Variants in DLGAP2 observed in about 807,000 individuals in gnomAD.
DLGAP2 encodes the protein disks large-associated protein 2.
Under a neutral mutation model 100.3 loss-of-function variants are expected in DLGAP2, and 26 were observed. The ratio of observed to expected loss-of-function variants is 0.26; its 90% confidence interval spans 0.19 to 0.36. The LOEUF (loss-of-function observed/expected upper bound fraction) is 0.36, where lower values mean the gene tolerates loss of function less well. DLGAP2 is among the 10% of genes least tolerant of loss of function. DLGAP2 has a pLI of 1.00. For missense variants in DLGAP2, 1,858 were observed against 1,453.2 expected (o/e 1.28, Z -4.53); for synonymous variants, 886 against 630.1 (o/e 1.41, Z -6.08).
At chr8:1,337,528 G>GTGATGA (rs35353661) in intron 3 of DLGAP2, among the ~76,000 whole-genome samples, 1 of 148,348 alleles carries the variant, frequency 6.7e-6, no homozygotes, top group Admixed American at 6.8e-5. Flanking sequence ...GCTGATGATA[G>GTGATGA]TGATGATGAT....
chr8:1,595,673 C>CAAAAAA (rs760901814), intron 6 of DLGAP2, among the ~76,000 whole-genome samples: 1 of 98,526 alleles, frequency 1.0e-5, no homozygotes, highest in Non-Finnish European at 2.1e-5. Context: ...GACTCCGTCT[C>CAAAAAA]AAAAAAAAAA....
chr8:887,943 TCTC>T (rs1238619809), intron 1 of DLGAP2, among the ~76,000 whole-genome samples: 2 of 152,230 alleles, frequency 1.3e-5, no homozygotes, highest in African/African-American at 4.8e-5. Context: ...TTGCAGAAGT[TCTC>T]CTGGATAATA....
chr8:1,593,626 G>T (rs913246913), intron 6 of DLGAP2, among the ~76,000 whole-genome samples: 1 of 152,068 alleles, frequency 6.6e-6, no homozygotes, highest in Non-Finnish European at 1.5e-5. Context: ...AGACCCCCTG[G>T]CTTCTACCTT....
At chr8:1,089,585 C>T (rs1254478968) in intron 2 of DLGAP2, among the ~76,000 whole-genome samples, 1 of 152,230 alleles carries the variant, frequency 6.6e-6, no homozygotes, top group African/African-American at 2.4e-5. Context: ...CTGAGGCCCA[C>T]TGCTCAGAGT....
At chr8:1,593,281 C>T (rs137939957) in intron 6 of DLGAP2, among the ~76,000 whole-genome samples, 4 of 151,800 alleles carry the variant, frequency 2.6e-5, no homozygotes, top group African/African-American at 4.8e-5. Context: ...GGTGCAACCC[C>T]GTCTCTACTA....
At chr8:1,534,062 A>T (rs147108044) in intron 4 of DLGAP2, among the ~76,000 whole-genome samples, 2 of 152,222 alleles carry the variant, frequency 1.3e-5, no homozygotes, top group Admixed American at 1.3e-4. Flanking sequence ...CTGTATTCTG[A>T]TATATACATT....
At chr8:1,632,346 C>G (rs1797667799) in intron 7 of DLGAP2, among the ~76,000 whole-genome samples, 1 of 152,126 alleles carries the variant, frequency 6.6e-6, no homozygotes, top group Non-Finnish European at 1.5e-5. Context: ...GAAGCAGACT[C>G]CATATTCTGA....
chr8:1,178,816 A>G (rs1797317693), intron 2 of DLGAP2, among the ~76,000 whole-genome samples: 2 of 152,334 alleles, frequency 1.3e-5, no homozygotes, highest in South Asian at 2.1e-4. Flanking sequence ...CACCGCCAGC[A>G]TCTGTCCACC....
intron 2 of DLGAP2, among the ~76,000 whole-genome samples, chr8:967,808 G>T (rs1799910970): frequency 2.8e-5 from 1 of 35,534 alleles, no homozygotes; most frequent in African/African-American, 1.3e-4. Context: ...CCTCTTTGTT[G>T]AACACCACTA....
chr8:1,516,626 A>G (rs1486866061), intron 4 of DLGAP2, among the ~76,000 whole-genome samples: 2 of 149,664 alleles, frequency 1.3e-5, no homozygotes, highest in Non-Finnish European at 3.0e-5. Flanking sequence ...TCAGGGAGGG[A>G]AGGAGTGAAT....
chr8:1,092,320 G>A (rs1042786690), intron 2 of DLGAP2, among the ~76,000 whole-genome samples: 2 of 152,230 alleles, frequency 1.3e-5, no homozygotes, highest in East Asian at 3.9e-4. Context: ...CTCTGCTGAT[G>A]TGCAATATGT....
intron 2 of DLGAP2, among the ~76,000 whole-genome samples, chr8:1,062,418 C>T (rs894894276): frequency 9.0e-5 from 13 of 144,240 alleles, no homozygotes; most frequent in Admixed American, 8.2e-4. Flanking sequence ...TGTAGGTCTC[C>T]CCGTCCACCC....
intron 2 of DLGAP2, among the ~76,000 whole-genome samples, chr8:1,056,633 C>T (rs1005254869): frequency 1.3e-5 from 2 of 152,224 alleles, no homozygotes; most frequent in Non-Finnish European, 2.9e-5. Flanking sequence ...CACACCCGTG[C>T]CAAAATGTGG....
chr8:1,449,362 C>T (rs913141217), intron 3 of DLGAP2, among the ~76,000 whole-genome samples: 3 of 152,308 alleles, frequency 2.0e-5, no homozygotes, highest in South Asian at 2.1e-4. Flanking sequence ...CCAGCCCAGG[C>T]AGCTGCAGGA....
chr8:1,089,201 A>C (rs576799466), intron 2 of DLGAP2, among the ~76,000 whole-genome samples: 17 of 152,230 alleles, frequency 1.1e-4, no homozygotes, highest in African/African-American at 4.1e-4. Flanking sequence ...AGGCTATGCA[A>C]TTGCTCTGGC....
intron 2 of DLGAP2, among the ~76,000 whole-genome samples, chr8:908,547 T>C (rs552384387): frequency 6.6e-6 from 1 of 152,236 alleles, no homozygotes; most frequent in African/African-American, 2.4e-5. Context: ...TTGCCTGACC[T>C]TTAAGGAAAC....
In DLGAP2 at chr8:1,357,848, G is replaced by T. The variant is rs557416653; in HGVS notation, c.106+98965G>T. Among the ~76,000 whole-genome samples, 449 of 152,260 alleles carry T rather than the reference G, an allele frequency of 2.9e-3. 1 individual carries two copies. Among genetic ancestry groups the T allele is most frequent in the South Asian group, 0.013 (65 of 4,818 alleles). On this transcript the variant is annotated intron_variant, in intron 3 of 14. Coordinates refer to ENST00000637795, the MANE Select transcript of DLGAP2 (RefSeq NM_001346810.2). ...TGTGGGCCTCAGAGCACAGGGAGGG[G>T]GCAGGTCCCCATGGGGAGGAGCAGC...
Position 1,704,364 on chromosome 8 carries a change from T to TAGAGCCG in DLGAP2, c.*2960_*2966dup, listed in dbSNP as rs1563073729. Reference sequence around the variant, plus strand: ...ACAGGTGAAACCCAGACACTCTCCTTAGAGCCGACAGGTTGATCCTGCTGT... The same window carrying TAGAGCCG: ...ACAGGTGAAACCCAGACACTCTCCTTAGAGCCGAGAGCCGACAGGTTGATCCTGCTGT... On this transcript the variant is annotated 3_prime_UTR_variant, in exon 15 of 15. Transcript: ENST00000637795. 1 of 152,210 alleles carries TAGAGCCG rather than the reference T, an allele frequency of 6.6e-6. No individual in the cohort carries two copies. Among genetic ancestry groups the TAGAGCCG allele is most frequent in the Admixed American group, 6.5e-5 (1 of 15,276 alleles). 9.4% of individuals were successfully genotyped at this position (152,210 alleles called of 1,614,324 possible). A position where few individuals can be genotyped will look rare whatever the true frequency, so the allele number is the denominator to read the frequency against.
chr8:799,341 G>A (rs1253799606), intron 1 of DLGAP2, among the ~76,000 whole-genome samples: 1 of 152,140 alleles, frequency 6.6e-6, no homozygotes, highest in Non-Finnish European at 1.5e-5. Context: ...GCAGAGGAGG[G>A]AGTGTGGCGG....
Sources: gnomAD v4.1 joint callset for allele counts (sites outside exome capture counted in the v4.1 genomes callset) on GRCh38, gnomAD v4.1.1 for gene constraint, MANE v1.5 for transcripts, NCBI Gene and HGNC (gene_info 2026-07-23, HGNC 2026-07-21) for gene names.